EPB41L4B: variants seen among roughly 807,000 people sequenced by gnomAD.
EPB41L4B encodes the protein erythrocyte membrane protein band 4.1 like 4B, also known as band 4.1-like protein 4B.
EPB41L4B carries 30 observed loss-of-function variants against 112.5 expected under a neutral mutation model. The observed-to-expected ratio is 0.27, with a 90% CI of 0.20 to 0.36. The LOEUF (loss-of-function observed/expected upper bound fraction) is 0.36. Ranked by LOEUF, EPB41L4B falls within the 10% of genes least tolerant of loss-of-function variation. The probability of loss-of-function intolerance (pLI) is 1.00; values close to 1 mark genes in which losing one functional copy is unlikely to be tolerated. For missense variants in EPB41L4B, 1,024 were observed against 1,133.3 expected, an observed-to-expected ratio of 0.90 and a Z score of 1.38; for synonymous variants, 408 against 439.7, an observed-to-expected ratio of 0.93 and a Z score of 0.90.
intron 3 of EPB41L4B, 68 bp downstream of exon 3, chr9:109,268,322 CA>C: frequency 7.0e-7 from 1 of 1,421,632 alleles, no homozygotes; most frequent in South Asian, 1.3e-5. Flanking sequence ...CATAACACCT[CA>C]AAACACTGGC....
At chr9:109,251,644 T>TG in intron 12 of EPB41L4B, 133 bp from the exon 13 acceptor site, 1 of 799,486 alleles carries the variant, frequency 1.3e-6, no homozygotes. Flanking sequence ...CAGAACTGCA[T>TG]GGTGGCTACT....
chr9:109,276,638 C>T (rs148457945), intron 2 of EPB41L4B, among the ~76,000 whole-genome samples: 56 of 152,300 alleles, frequency 3.7e-4, no homozygotes, highest in Admixed American at 3.1e-3. Flanking sequence ...CTGGGAAAGC[C>T]GCCTGTATCC....
chr9:109,309,294 T>A (rs1451715037), intron 1 of EPB41L4B, among the ~76,000 whole-genome samples: 1 of 152,054 alleles, frequency 6.6e-6, no homozygotes, highest in Non-Finnish European at 1.5e-5. Flanking sequence ...ATACTATAGA[T>A]CCCGTAGTTG....
At chr9:109,182,902 C>T (rs1019158528) in intron 23 of EPB41L4B, 105 bp from the exon 24 acceptor site, 7 of 785,290 alleles carry the variant, frequency 8.9e-6, no homozygotes, top group African/African-American at 1.7e-5. Context: ...TTCAGGGGTG[C>T]CCCCGCAGAG....
chr9:109,203,150 T>C (rs1432006709), intron 19 of EPB41L4B, among the ~76,000 whole-genome samples: 2 of 152,162 alleles, frequency 1.3e-5, no homozygotes, highest in South Asian at 2.1e-4. Context: ...GAAGACTCTG[T>C]CTTAAAAAAT....
At chr9:109,288,508 C>T (rs948280673) in intron 1 of EPB41L4B, among the ~76,000 whole-genome samples, 1 of 151,898 alleles carries the variant, frequency 6.6e-6, no homozygotes, top group Non-Finnish European at 1.5e-5. Flanking sequence ...ATCACAAGGT[C>T]AGGAGATCAA....
chr9:109,253,553 G>T lies in EPB41L4B; in HGVS notation c.1170-3C>A. 6.3e-7 allele frequency: 1 copy of T among 1,589,016 alleles called. No individual in the cohort carries two copies. The highest frequency in any genetic ancestry group is 1.1e-5 in the South Asian group (1 of 90,250). On this transcript the variant is annotated splice_region_variant and splice_polypyrimidine_tract_variant and intron_variant, in intron 11 of 25. Transcript: ENST00000374566. ...TAGCTTGATATTCTGTCCGCCCACT[G>T]GGAAGTAAATATTTTCTCGTGTGTT... is the stretch of plus-strand genomic sequence containing the variant.
chr9:109,280,590 C>T (rs1049820778), intron 1 of EPB41L4B, among the ~76,000 whole-genome samples: 10 of 152,288 alleles, frequency 6.6e-5, no homozygotes, highest in East Asian at 3.9e-4. Flanking sequence ...CCCTGTAAAA[C>T]GGGCCTCAGG....
rs1431085770 is a variant in EPB41L4B at position 109,294,322 on chromosome 9, A to AG, written c.307-14402_307-14401insC. Among the ~76,000 whole-genome samples the AG allele has an allele frequency of 2.0e-5, 3 of 151,454 alleles. No homozygotes were observed. In the East Asian group the frequency reaches 5.9e-4, roughly 30 times the overall value. On this transcript the variant is annotated intron_variant, in intron 1 of 25. Transcript: ENST00000374566. ...ACTCCGTCTCAAAAAAAAAAAAAAA[A>AG]AAATCATTGTTAGGCCAGATATGAT...
At chr9:109,208,179 T>A in intron 17 of EPB41L4B, 130 bp from the exon 18 acceptor site, 1 of 1,076,714 alleles carries the variant, frequency 9.3e-7, no homozygotes, top group Non-Finnish European at 1.3e-6. Flanking sequence ...ACCAACTCCT[T>A]ATATTTTTAT....
At chr9:109,317,762 C>T (rs959749621) in intron 1 of EPB41L4B, among the ~76,000 whole-genome samples, 1 of 152,110 alleles carries the variant, frequency 6.6e-6, no homozygotes, top group Non-Finnish European at 1.5e-5. Flanking sequence ...TCCTATCTTG[C>T]GACAAGCAGC....
chr9:109,249,347 T>C (rs1005375368), intron 13 of EPB41L4B, among the ~76,000 whole-genome samples: 2 of 152,038 alleles, frequency 1.3e-5, no homozygotes, highest in Admixed American at 6.6e-5. Flanking sequence ...GTAGTACCTC[T>C]GGAGCCCAGA....
chr9:109,285,896 G>C (rs1347958911), intron 1 of EPB41L4B, among the ~76,000 whole-genome samples: 1 of 152,138 alleles, frequency 6.6e-6, no homozygotes, highest in Non-Finnish European at 1.5e-5. Context: ...GGAGAAGTAA[G>C]TGCTCCCTCC....
intron 15 of EPB41L4B, chr9:109,241,146 A>C: frequency 1.0e-6 from 1 of 985,818 alleles, no homozygotes; most frequent in Non-Finnish European, 1.2e-6. Flanking sequence ...AATGTTAACA[A>C]ATTGCAGAAT....
chr9:109,220,722 C>T (rs1033658374), intron 15 of EPB41L4B, among the ~76,000 whole-genome samples: 1 of 152,106 alleles, frequency 6.6e-6, no homozygotes, highest in Non-Finnish European at 1.5e-5. Context: ...AGACTTTGCT[C>T]AAGGACGGTT....
Position 109,263,119 on chromosome 9 carries a change from T to G in EPB41L4B, c.579-17A>C. 6.5e-7 allele frequency: 1 copy of G among 1,547,754 alleles called. No individual in the cohort carries two copies. Among genetic ancestry groups the G allele is most frequent in the South Asian group, 1.2e-5 (1 of 85,852 alleles). ...CATTTCAATCTTGAAAAAAATAAAA[T>G]GAAATTAATTCGAAATAGGAACTTA... On this transcript the variant is annotated splice_polypyrimidine_tract_variant and intron_variant, in intron 5 of 25. Transcript: ENST00000374566.
chr9:109,196,169 CTTATAAA>C (rs956867730), intron 20 of EPB41L4B: 11 of 150,594 alleles, frequency 7.3e-5, no homozygotes, highest in Non-Finnish European at 3.0e-5. Flanking sequence ...TTTTAATTAA[CTTATAAA>C]TATTTTATTA....
rs1392746028 is a variant in EPB41L4B at position 109,174,547 on chromosome 9, G to A, written c.*7C>T. On this transcript the variant is annotated 3_prime_UTR_variant, in exon 26 of 26. Coordinates refer to ENST00000374566, the MANE Select transcript of EPB41L4B (RefSeq NM_019114.5). ...CATGCCATCTTCCAGGTGACAAGGG[G>A]AGAATTTCACAGTTCGGTCATCAAC... 2 of 1,613,416 alleles carry A rather than the reference G, an allele frequency of 1.2e-6. No individual in the cohort carries two copies. The highest frequency in any genetic ancestry group is 1.7e-6 in the Non-Finnish European group (2 of 1,179,504).
intron 2 of EPB41L4B, among the ~76,000 whole-genome samples, chr9:109,271,078 T>C (rs919294662): frequency 6.6e-5 from 10 of 152,190 alleles, no homozygotes; most frequent in African/African-American, 2.4e-4. Context: ...CTCAAGCAAT[T>C]TCAGGTTTTA....
Sources: allele counts gnomAD v4.1 joint callset (sites outside exome capture counted in the v4.1 genomes callset), GRCh38; gene constraint gnomAD v4.1.1; transcripts MANE v1.5; gene names NCBI Gene and HGNC (gene_info 2026-07-23, HGNC 2026-07-21).